Variants in APBB2 observed in about 807,000 individuals in gnomAD.
APBB2 encodes Fe65-like 1.
APBB2 carries 38 observed loss-of-function variants against 82.5 expected under a neutral mutation model. The observed-to-expected ratio is 0.46, with a 90% CI of 0.36 to 0.60. APBB2 has a LOEUF of 0.60. Ranked by LOEUF, APBB2 falls within the 20% of genes least tolerant of loss-of-function variation. APBB2 has a pLI of 0.00. For missense variants in APBB2, 772 were observed against 972.3 expected (o/e 0.79, Z 2.74); for synonymous variants, 341 against 368.2 (o/e 0.93, Z 0.85).
intron 12 of APBB2, among the ~76,000 whole-genome samples, chr4:40,833,328 C>CCACTGCACGG (rs1752709394): frequency 6.6e-6 from 1 of 152,178 alleles, no homozygotes; most frequent in South Asian, 2.1e-4. Flanking sequence ...CATGTTCCTC[C>CCACTGCACGG]CACTGCACGG....
At chr4:41,056,407 A>G (rs1436565123) in intron 4 of APBB2, among the ~76,000 whole-genome samples, 2 of 152,104 alleles carry the variant, frequency 1.3e-5, no homozygotes, top group African/African-American at 4.8e-5. Context: ...ACTTGATCTG[A>G]ATTGCATTCC....
chr4:40,822,142 G>T, intron 16 of APBB2, 92 bp from the exon 17 acceptor site: 1 of 1,452,456 alleles, frequency 6.9e-7, no homozygotes, highest in Non-Finnish European at 9.5e-7. Context: ...AGAAAGTATA[G>T]CCAGGCCGAA....
intron 2 of APBB2, among the ~76,000 whole-genome samples, chr4:41,131,667 T>C (rs1332112018): frequency 6.6e-6 from 1 of 152,224 alleles, no homozygotes; most frequent in African/African-American, 2.4e-5. Flanking sequence ...GGATGAGGTA[T>C]TTAACAAACC....
chr4:41,021,961 C>T (rs1259883120), intron 5 of APBB2, among the ~76,000 whole-genome samples: 3 of 152,158 alleles, frequency 2.0e-5, no homozygotes, highest in Non-Finnish European at 2.9e-5. Context: ...CTGAAGTCAG[C>T]GAGACCATGA....
intron 2 of APBB2, among the ~76,000 whole-genome samples, chr4:41,141,050 G>GA (rs1477562692): frequency 6.6e-6 from 1 of 152,116 alleles, no homozygotes; most frequent in Non-Finnish European, 1.5e-5. Flanking sequence ...TCACTGTTTG[G>GA]AAAAACTGTC....
chr4:40,992,447 G>A (rs1802403470), intron 6 of APBB2, among the ~76,000 whole-genome samples: 2 of 151,894 alleles, frequency 1.3e-5, no homozygotes, highest in African/African-American at 4.8e-5. Flanking sequence ...CAAAGCACTG[G>A]GATTACAGGT....
At chr4:41,000,408 G>GT (rs1223224449) in intron 6 of APBB2, among the ~76,000 whole-genome samples, 1 of 152,186 alleles carries the variant, frequency 6.6e-6, no homozygotes, top group Non-Finnish European at 1.5e-5. Context: ...TGGTCCAGCT[G>GT]TTGTACCAAG....
rs146357477 is a variant in APBB2 at position 40,964,160 on chromosome 4, T to A, written c.836-19087A>T. On this transcript the variant is annotated intron_variant, in intron 6 of 17. Coordinates refer to ENST00000508593, the MANE Select transcript of APBB2 (RefSeq NM_004307.2). ...AAAAAAATAAATTCTGCTCTGCTGATAGAACAAGAACTGAAGATTTTCTTA... is the reference window on the plus strand; with the variant it reads ...AAAAAAATAAATTCTGCTCTGCTGAAAGAACAAGAACTGAAGATTTTCTTA... Among the ~76,000 whole-genome samples, 184 of 152,268 alleles carry A rather than the reference T, an allele frequency of 1.2e-3. 1 individual carries two copies. The highest frequency in any genetic ancestry group is 4.2e-3 in the African/African-American group (176 of 41,556).
chr4:40,999,094 A>G (rs1168348961), intron 6 of APBB2, among the ~76,000 whole-genome samples: 2 of 152,200 alleles, frequency 1.3e-5, no homozygotes, highest in Non-Finnish European at 2.9e-5. Flanking sequence ...TGAGGTAATT[A>G]TATTTATTCC....
At chr4:40,975,399 C>G (rs1050141941) in intron 6 of APBB2, among the ~76,000 whole-genome samples, 2 of 152,096 alleles carry the variant, frequency 1.3e-5, no homozygotes, top group Non-Finnish European at 2.9e-5. Context: ...CCCCTCACTC[C>G]CCTGCACCAC....
intron 12 of APBB2, among the ~76,000 whole-genome samples, chr4:40,844,625 C>T (rs1226916475): frequency 6.6e-6 from 1 of 152,162 alleles, no homozygotes; most frequent in African/African-American, 2.4e-5. Context: ...TCCCTCTGTG[C>T]TACTCGGTTC....
Position 41,127,496 on chromosome 4 carries a change from T to G in APBB2, c.-261+15491A>C, listed in dbSNP as rs1284921689. 1.3e-5 allele frequency among the ~76,000 whole-genome samples: 2 copies of G among 152,216 alleles called. No homozygotes were observed. The highest frequency in any genetic ancestry group is 2.9e-5 in the Non-Finnish European group (2 of 68,030). ...TACTGCTGTGTTAATCTAGACTACC[T>G]GCTTCCAACATCAAACTGGGTTCAG... On this transcript the variant is annotated intron_variant, in intron 2 of 17. Transcript: ENST00000508593. The surrounding 1 kb of genome is among the most constrained non-coding windows in gnomAD (Gnocchi z 4.8).
chr4:40,995,818 G>A (rs1342747144), intron 6 of APBB2, among the ~76,000 whole-genome samples: 2 of 151,990 alleles, frequency 1.3e-5, no homozygotes, highest in African/African-American at 4.8e-5. Flanking sequence ...TTACAGGTGT[G>A]AGCCACCGTG....
At chr4:40,863,317 A>T (rs1210600386) in intron 12 of APBB2, among the ~76,000 whole-genome samples, 1 of 152,248 alleles carries the variant, frequency 6.6e-6, no homozygotes, top group Non-Finnish European at 1.5e-5. Context: ...TCAACAGAGC[A>T]GGCGGGATGT....
chr4:40,988,984 T>C (rs1231398620), intron 6 of APBB2, among the ~76,000 whole-genome samples: 1 of 152,092 alleles, frequency 6.6e-6, no homozygotes, highest in Non-Finnish European at 1.5e-5. Flanking sequence ...GGTCTTGAAC[T>C]CCTGACTTCA....
chr4:40,862,689 T>C (rs1387294571), intron 12 of APBB2, among the ~76,000 whole-genome samples: 1 of 152,170 alleles, frequency 6.6e-6, no homozygotes, highest in Non-Finnish European at 1.5e-5. Flanking sequence ...TGAAACCCTG[T>C]GTCTACTAAA....
intron 10 of APBB2, among the ~76,000 whole-genome samples, chr4:40,909,360 A>G (rs1001545075): frequency 3.9e-5 from 6 of 152,214 alleles, no homozygotes; most frequent in African/African-American, 1.4e-4. Flanking sequence ...TGCTCTCTGC[A>G]GGAAACCCAC....
chr4:41,052,551 TC>T (rs1268273443), intron 4 of APBB2, among the ~76,000 whole-genome samples: 5 of 152,186 alleles, frequency 3.3e-5, no homozygotes, highest in Non-Finnish European at 7.3e-5. Context: ...CATCGTGAAT[TC>T]CAGCAACAGC....
At chr4:40,889,849 G>A (rs1042453405) in intron 12 of APBB2, among the ~76,000 whole-genome samples, 12 of 152,298 alleles carry the variant, frequency 7.9e-5, no homozygotes, top group African/African-American at 2.6e-4. Context: ...CCTTTCAAGT[G>A]TTAAAAAAGT....
Sources: allele counts gnomAD v4.1 joint callset (sites outside exome capture counted in the v4.1 genomes callset), GRCh38; gene constraint gnomAD v4.1.1; non-coding constraint Gnocchi (gnomAD v3.1); transcripts MANE v1.5; gene names NCBI Gene and HGNC (gene_info 2026-07-23, HGNC 2026-07-21).